The following ZNF768 variants were observed in gnomAD, a reference collection of about 807,000 sequenced individuals.
The protein encoded by ZNF768 is zinc finger protein 768.
Under a neutral mutation model 39.7 loss-of-function variants are expected in ZNF768, and 12 were observed. That is an observed-to-expected ratio of 0.30 (90% CI 0.19 to 0.49). The LOEUF (loss-of-function observed/expected upper bound fraction) is 0.49, where lower values mean the gene tolerates loss of function less well. ZNF768 is among the 20% of genes least tolerant of loss of function. The probability of loss-of-function intolerance (pLI) is 0.99; values close to 1 mark genes in which losing one functional copy is unlikely to be tolerated. For missense variants in ZNF768, 613 were observed against 723.2 expected (o/e 0.85, Z 1.75); for synonymous variants, 360 against 288.4 (o/e 1.25, Z -2.52).
chr16:30,530,495 A>C (rs1412638867), upstream of ZNF768: 24 of 152,024 alleles, frequency 1.6e-4, no homozygotes, highest in Admixed American at 1.6e-3. The surrounding 1 kb of genome is among the most constrained non-coding windows in gnomAD (Gnocchi z 4.4). Flanking sequence ...AGGGGAGGGG[A>C]CTGAGATGTA....
At chr16:30,532,398 G>A in the ZNF768 span, 6 of 1,351,190 alleles carry the variant, frequency 4.4e-6, no homozygotes, top group South Asian at 2.6e-5. Context: ...GCCAGCTCTT[G>A]CGGTGGATTC....
chr16:30,527,053 G>A (rs1372258531), upstream of ZNF768: 2 of 985,254 alleles, frequency 2.0e-6, no homozygotes, highest in Non-Finnish European at 2.4e-6. Flanking sequence ...CGCGTCGTCG[G>A]TGCGTGTGGC....
chr16:30,525,969 C>T lies in ZNF768; in HGVS notation c.171G>A (p.Gly57=). The T allele has an allele frequency of 2.7e-6, 4 of 1,507,766 alleles. No individual in the cohort carries two copies. The South Asian group carries it at 4.2e-5, about 16-fold the overall frequency. 93.4% of individuals were successfully genotyped at this position (1,507,766 alleles called of 1,614,324 possible). A position where few individuals can be genotyped will look rare whatever the true frequency, so the allele number is the denominator to read the frequency against. ...GDYEVEEIPF[G]LEPQSPGFEP... ...CAAACCCAGGGCTCTGGGGTTCAAG[C>T]CCAAATGGTATCTCTTCGACTTCAT... The change falls in exon 2 of 2, where the codon GGG becomes GGA. Residue 57 remains glycine, a synonymous_variant. Transcript: ENST00000380412.
At chr16:30,528,862 C>T (rs1315175531), upstream of ZNF768, among the ~76,000 whole-genome samples, 2 of 152,152 alleles carry the variant, frequency 1.3e-5, no homozygotes, top group Non-Finnish European at 2.9e-5. Context: ...CTCTGACATC[C>T]AACTTGCTGA....
chr16:30,524,336 C>T lies in ZNF768; in HGVS notation c.*181G>A. On this transcript the variant is annotated 3_prime_UTR_variant, in exon 2 of 2. Transcript: ENST00000380412. ...GCCTCCCGCTGCCGGCCTGGCCTCC[C>T]TCCAACCCACTTCCCACAAGTCTCC... is the stretch of plus-strand genomic sequence containing the variant. The T allele has an allele frequency of 9.1e-7, 1 of 1,096,108 alleles. No individual in the cohort carries two copies. Among genetic ancestry groups the T allele is most frequent in the Non-Finnish European group, 1.3e-6 (1 of 796,580 alleles). The allele number at this position is 1,096,108 out of a possible 1,614,324, so 67.9% of individuals were successfully genotyped here.
intron 1 of ZNF768, 41 bp downstream of exon 1, chr16:30,526,285 T>G: frequency 6.2e-7 from 1 of 1,605,492 alleles, no homozygotes. Context: ...CCCCTTCTCC[T>G]GCGCGCAAGT....
upstream of ZNF768, among the ~76,000 whole-genome samples, chr16:30,528,628 C>T (rs1463565420): frequency 6.6e-6 from 1 of 152,160 alleles, no homozygotes; most frequent in African/African-American, 2.4e-5. Context: ...AAACTTTCTG[C>T]CCTCCAGAGA....
chr16:30,528,846 A>G (rs1288162383), upstream of ZNF768, among the ~76,000 whole-genome samples: 2 of 152,208 alleles, frequency 1.3e-5, no homozygotes, highest in Non-Finnish European at 2.9e-5. Flanking sequence ...TTCACAAGAC[A>G]CTTTTCTCTG....
Position 30,524,141 on chromosome 16 carries a change from G to C in ZNF768, c.*376C>G. The C allele has an allele frequency of 1.2e-5, 2 of 170,302 alleles. No individual in the cohort carries two copies. Among genetic ancestry groups the C allele is most frequent in the Non-Finnish European group, 2.5e-5 (2 of 81,076 alleles). 10.5% of individuals were successfully genotyped at this position (170,302 alleles called of 1,614,324 possible). A position where few individuals can be genotyped will look rare whatever the true frequency, so the allele number is the denominator to read the frequency against. ...TCCCCACCCCACCTACCTTTTACCC[G>C]CTCCTGACTCAACGAGAGTTTCAGC... On this transcript the variant is annotated 3_prime_UTR_variant, in exon 2 of 2. Coordinates refer to ENST00000380412, the MANE Select transcript of ZNF768 (RefSeq NM_024671.4).
chr16:30,526,211 C>T, intron 1 of ZNF768, 115 bp downstream of exon 1: 2 of 1,542,672 alleles, frequency 1.3e-6, no homozygotes, highest in East Asian at 2.5e-5. Flanking sequence ...CAGTCCCCGC[C>T]GGCCCCTCCT....
chr16:30,524,238 G>T lies in ZNF768; in HGVS notation c.*279C>A. The T allele has an allele frequency of 2.5e-6, 1 of 405,896 alleles. No homozygotes were observed. Among genetic ancestry groups the T allele is most frequent in the Non-Finnish European group, 4.3e-6 (1 of 233,840 alleles). The allele number at this position is 405,896 out of a possible 1,614,324, so 25.1% of individuals were successfully genotyped here. On this transcript the variant is annotated 3_prime_UTR_variant, in exon 2 of 2. Coordinates refer to ENST00000380412, the MANE Select transcript of ZNF768 (RefSeq NM_024671.4). ...CTCCCCCCTCCCTGCTCTAGCAGTT[G>T]CCAAGCCAGGCACCCACCAAGGAGC...
rs2051306020 is a variant in ZNF768 at position 30,524,858 on chromosome 16, G to C, written c.1282C>G (p.Pro428Ala). Reference sequence around the variant, plus strand: ...TTGCCGCACTCAGGGCACTTGAAGGGCTTCTCCCGGGCGTGGCTGCGGGCA... The same window carrying C: ...TTGCCGCACTCAGGGCACTTGAAGGCCTTCTCCCGGGCGTGGCTGCGGGCA... ...PHARSHAREK[P>A]FKCPECGKRF... Residue 428 changes from proline to alanine, a missense_variant, in exon 2 of 2, where the codon CCC (proline) becomes GCC (alanine). Around this residue, in one of 4 missense-constraint regions of ZNF768, gnomAD observed 204 missense variants for 281.7 expected, o/e 0.72. Transcript: ENST00000380412. The C allele has an allele frequency of 4.3e-6, 7 of 1,610,832 alleles. No individual in the cohort carries two copies. The highest frequency in any genetic ancestry group is 5.9e-6 in the Non-Finnish European group (7 of 1,179,760).
At chr16:30,532,232 G>T in the ZNF768 span, 1 of 571,204 alleles carries the variant, frequency 1.8e-6, no homozygotes. Context: ...TCTCTGGGAG[G>T]AGAAACAGCT....
Position 30,525,559 on chromosome 16 carries a change from G to A in ZNF768, c.581C>T (p.Pro194Leu), listed in dbSNP as rs754974554. The part of the protein sequence containing the change: ...SPLNISVGVH[P>L]LDSFTQGFGE... The stretch of plus-strand genomic sequence containing the variant: ...AAACCCCTGAGTGAAGGAGTCCAGG[G>A]GGTGAACTCCTACGGAGATATTCAA... Residue 194 changes from proline to leucine, a missense_variant, in exon 2 of 2, where the codon CCC becomes CTC. Pro to Leu is a moderately conservative substitution (Grantham distance 98, BLOSUM62 -3). Transcript: ENST00000380412. 5.6e-6 allele frequency: 9 copies of A among 1,614,236 alleles called. No homozygotes were observed. Among genetic ancestry groups the A allele is most frequent in the Non-Finnish European group, 5.9e-6 (7 of 1,180,030 alleles).
At position 30,524,586 on chromosome 16, in the gene ZNF768, G is replaced by A. The variant is rs1221177311; in HGVS notation, c.1554C>T (p.Cys518=). ...SGERPYKCDD[C]GKAFSQSSDL... is the part of the protein sequence containing the mutation. ...CGGAGCTCTGGGAGAAGGCCTTTCC[G>A]CAGTCATCGCACTTGTAAGGCCGCT... Residue 518 remains cysteine (C), a synonymous_variant, in exon 2 of 2, where the codon TGC becomes TGT. Coordinates refer to ENST00000380412, the MANE Select transcript of ZNF768 (RefSeq NM_024671.4). 2 of 1,612,500 alleles carry A rather than the reference G, an allele frequency of 1.2e-6. No homozygotes were observed. Among genetic ancestry groups the A allele is most frequent in the African/African-American group, 1.3e-5 (1 of 74,916 alleles).
In ZNF768 at chr16:30,525,966, A is replaced by G. The variant is rs148244981; in HGVS notation, c.174T>C (p.Leu58=). 6.6e-6 allele frequency: 10 copies of G among 1,508,422 alleles called. No individual in the cohort carries two copies. In the African/African-American group the frequency reaches 1.4e-4, roughly 21 times the overall value. 93.4% of individuals were successfully genotyped at this position (1,508,422 alleles called of 1,614,324 possible). A position where few individuals can be genotyped will look rare whatever the true frequency, so the allele number is the denominator to read the frequency against. ...DYEVEEIPFG[L]EPQSPGFEPQ... ...GCTCAAACCCAGGGCTCTGGGGTTCAAGCCCAAATGGTATCTCTTCGACTT... is the reference window on the plus strand; with the variant it reads ...GCTCAAACCCAGGGCTCTGGGGTTCGAGCCCAAATGGTATCTCTTCGACTT... The change falls in exon 2 of 2, where the codon CTT becomes CTC. Residue 58 remains leucine (L), a synonymous_variant. Transcript: ENST00000380412.
At position 30,524,925 on chromosome 16, in the gene ZNF768, G is replaced by A; in HGVS notation, c.1215C>T (p.Ile405=). 6.2e-7 allele frequency: 1 copy of A among 1,613,568 alleles called. No individual in the cohort carries two copies. The change falls in exon 2 of 2, where the codon ATC becomes ATT. Residue 405 remains isoleucine (I), a synonymous_variant. Transcript: ENST00000380412. ...HTGQRPFSCG[I]CGKSFSQRSA... is the part of the protein sequence containing the mutation. ...ACCGCTGGGAGAAGCTCTTGCCGCA[G>A]ATGCCACAGCTGAAGGGCCTCTGAC...
the ZNF768 span, chr16:30,532,103 G>C: frequency 1.8e-5 from 4 of 225,502 alleles, no homozygotes; most frequent in Non-Finnish European, 3.6e-5. Context: ...AGTCGAGATC[G>C]CACCATTGCA....
Position 30,526,384 on chromosome 16 carries a change from G to A in ZNF768, c.30C>T (p.Leu10=), listed in dbSNP as rs2051324171. The part of the protein sequence containing the change: MEREALPWG[L]EPQDVQSSDE... ...CAGAACTCTGCACATCCTGGGGCTC[G>A]AGGCCCCACGGCAACGCCTCCCGCT... is the stretch of plus-strand genomic sequence containing the variant. The change falls in exon 1 of 2, where the codon CTC becomes CTT. Residue 10 remains leucine, a synonymous_variant. Transcript: ENST00000380412. 2 of 1,599,792 alleles carry A rather than the reference G, an allele frequency of 1.3e-6. No individual in the cohort carries two copies. The highest frequency in any genetic ancestry group is 1.4e-5 in the African/African-American group (1 of 73,546).
Sources: gnomAD v4.1 joint callset for allele counts (sites outside exome capture counted in the v4.1 genomes callset) on GRCh38, gnomAD v4.1.1 for gene constraint, gnomAD v4.1.1 regional missense constraint, Gnocchi (gnomAD v3.1) non-coding constraint, MANE v1.5 for transcripts, NCBI Gene and HGNC (gene_info 2026-07-23, HGNC 2026-07-21) for gene names.